Variants in LIPC observed in about 807,000 individuals in gnomAD.
LIPC encodes hepatic triacylglycerol lipase.
Under a neutral mutation model 50.7 loss-of-function variants are expected in LIPC, and 44 were observed. That is an observed-to-expected ratio of 0.87 (90% CI 0.68 to 1.11). The LOEUF (loss-of-function observed/expected upper bound fraction) is 1.11. Among genes scored for constraint, LIPC ranks in the 50% most tolerant of loss-of-function variants. The probability of loss-of-function intolerance (pLI) is 0.00; values close to 1 mark genes in which losing one functional copy is unlikely to be tolerated. For synonymous variants in LIPC, 271 were observed against 256.4 expected, an observed-to-expected ratio of 1.06 and a Z score of -0.54; for missense variants, 697 against 648.2, an observed-to-expected ratio of 1.08 and a Z score of -0.82.
chr15:58,556,550 T>C (rs1829901878), intron 6 of LIPC, among the ~76,000 whole-genome samples: 2 of 152,230 alleles, frequency 1.3e-5, no homozygotes, highest in African/African-American at 4.8e-5. Context: ...ATAAGCACTG[T>C]TAATATTTTT....
intron 1 of LIPC, chr15:58,455,109 A>T (rs1387554189): frequency 6.6e-6 from 1 of 152,260 alleles, no homozygotes; most frequent in African/African-American, 2.4e-5. Context: ...GGAGCTTAAC[A>T]GCAGCCATGA....
chr15:58,499,811 T>G (rs1015330061), intron 1 of LIPC, among the ~76,000 whole-genome samples: 3 of 152,280 alleles, frequency 2.0e-5, no homozygotes, highest in African/African-American at 7.2e-5. Context: ...ATAACAGAAG[T>G]GGTCTAGGAA....
intron 1 of LIPC, among the ~76,000 whole-genome samples, chr15:58,459,857 C>T (rs1475789952): frequency 6.6e-6 from 1 of 152,264 alleles, no homozygotes; most frequent in Non-Finnish European, 1.5e-5. Context: ...CAGCTTCCTC[C>T]TTCACAGGCG....
chr15:58,536,390 T>C (rs1893123126), intron 1 of LIPC, among the ~76,000 whole-genome samples: 1 of 152,134 alleles, frequency 6.6e-6, no homozygotes, highest in African/African-American at 2.4e-5. Context: ...GGTATAGTCA[T>C]TTCTGTTTTA....
chr15:58,515,840 G>C (rs1212405756), intron 1 of LIPC, among the ~76,000 whole-genome samples: 1 of 152,140 alleles, frequency 6.6e-6, no homozygotes, highest in Non-Finnish European at 1.5e-5. Context: ...ACAGAGCTGG[G>C]GACAGATAGA....
chr15:58,435,413 G>A (rs974416766), intron 1 of LIPC: 1 of 151,996 alleles, frequency 6.6e-6, no homozygotes, highest in Non-Finnish European at 1.5e-5. Flanking sequence ...TTGTGCAGTG[G>A]GCACTGTACA....
chr15:58,505,187 A>G (rs1202855939), intron 1 of LIPC, among the ~76,000 whole-genome samples: 3 of 152,208 alleles, frequency 2.0e-5, no homozygotes, highest in African/African-American at 7.2e-5. Context: ...ACCACTCTAC[A>G]GCCGGCCATC....
intron 1 of LIPC, among the ~76,000 whole-genome samples, chr15:58,499,022 CA>C (rs758976729): frequency 2.6e-5 from 4 of 152,166 alleles, no homozygotes; most frequent in Non-Finnish European, 4.4e-5. Flanking sequence ...CTTCGCTGAG[CA>C]TGGAAAAGCA....
At chr15:58,556,040 A>G (rs1893936461) in intron 6 of LIPC, among the ~76,000 whole-genome samples, 1 of 152,170 alleles carries the variant, frequency 6.6e-6, no homozygotes, top group South Asian at 2.1e-4. Flanking sequence ...GTGGATGAGG[A>G]CAGCAGGGGT....
chr15:58,488,749 G>A (rs557113234), intron 1 of LIPC, among the ~76,000 whole-genome samples: 14 of 152,290 alleles, frequency 9.2e-5, no homozygotes, highest in Admixed American at 4.6e-4. Context: ...GAATTGTACA[G>A]ATGAGCACCT....
At chr15:58,559,359 T>G (rs868769860) in intron 6 of LIPC, among the ~76,000 whole-genome samples, 7 of 152,226 alleles carry the variant, frequency 4.6e-5, no homozygotes, top group Non-Finnish European at 7.3e-5. Context: ...AAGCACCTAC[T>G]GTGTGCAAGG....
At chr15:58,492,349 ATAT>A (rs1891616219) in intron 1 of LIPC, among the ~76,000 whole-genome samples, 3 of 152,180 alleles carry the variant, frequency 2.0e-5, no homozygotes, top group African/African-American at 7.2e-5. Flanking sequence ...TCATTAATTG[ATAT>A]TATTGTAATG....
chr15:58,526,900 A>C (rs1219910406), intron 1 of LIPC, among the ~76,000 whole-genome samples: 1 of 152,190 alleles, frequency 6.6e-6, no homozygotes, highest in Non-Finnish European at 1.5e-5. Context: ...AAGCTTCCCA[A>C]GGCCATACAG....
chr15:58,521,517 A>G (rs1892650653), intron 1 of LIPC: 1 of 152,408 alleles, frequency 6.6e-6, no homozygotes, highest in Non-Finnish European at 1.5e-5. Context: ...TGCAGAAGCA[A>G]AGGCACAGAG....
intron 1 of LIPC, among the ~76,000 whole-genome samples, chr15:58,518,820 G>A (rs1177693424): frequency 1.3e-5 from 2 of 152,196 alleles, no homozygotes; most frequent in East Asian, 3.9e-4. Flanking sequence ...GGTGTTGCCT[G>A]GAGACACGTT....
rs548707120 is a variant in LIPC, at chr15:58,516,809, G to C, written c.89-21524G>C. Among the ~76,000 whole-genome samples, 193 of 152,220 alleles carry C rather than the reference G, an allele frequency of 1.3e-3. 1 individual carries two copies. Among genetic ancestry groups the C allele is most frequent in the Non-Finnish European group, 2.2e-3 (149 of 68,020 alleles). On this transcript the variant is annotated intron_variant, in intron 1 of 8. Transcript: ENST00000299022. ...ATTTTACCATCTATAACAATTCTAGGTTGGTTTTGATTGATTGATTTTTCT... is the reference window on the plus strand; with the variant it reads ...ATTTTACCATCTATAACAATTCTAGCTTGGTTTTGATTGATTGATTTTTCT...
At chr15:58,539,436 G>C (rs753861283) in intron 2 of LIPC, among the ~76,000 whole-genome samples, 10 of 152,154 alleles carry the variant, frequency 6.6e-5, no homozygotes, top group Non-Finnish European at 1.3e-4. Context: ...TACTATGGAA[G>C]AAGGAGAGAA....
chr15:58,561,420 G>C (rs1481574668), intron 7 of LIPC, among the ~76,000 whole-genome samples: 1 of 57,748 alleles, frequency 1.7e-5, no homozygotes, highest in Non-Finnish European at 3.8e-5. Flanking sequence ...AGAATCAATA[G>C]AAGAGAGTGT....
At chr15:58,455,060 G>C (rs1448120265) in intron 1 of LIPC, 1 of 152,238 alleles carries the variant, frequency 6.6e-6, no homozygotes, top group Non-Finnish European at 1.5e-5. Context: ...ACACCAAAGT[G>C]AATCTCTTCC....
Sources: gnomAD v4.1 joint callset for allele counts (sites outside exome capture counted in the v4.1 genomes callset) on GRCh38, gnomAD v4.1.1 for gene constraint, MANE v1.5 for transcripts, NCBI Gene and HGNC (gene_info 2026-07-23, HGNC 2026-07-21) for gene names.